Variants in GABRA3 observed in about 807,000 individuals in gnomAD.
The protein encoded by GABRA3 is gamma-aminobutyric acid type A receptor subunit alpha3.
GABRA3 carries 10 observed loss-of-function variants against 30.1 expected under a neutral mutation model. The ratio of observed to expected loss-of-function variants is 0.33; its 90% confidence interval spans 0.20 to 0.56. The LOEUF (loss-of-function observed/expected upper bound fraction) is 0.56. GABRA3 is among the 20% of genes least tolerant of loss of function. GABRA3 has a pLI of 0.89. For synonymous variants in GABRA3, 151 were observed against 146.8 expected (o/e 1.03, Z -0.21); for missense variants, 233 against 392.0 (o/e 0.59, Z 3.42).
chrX:152,377,332 T>A (rs1929024947), intron 1 of GABRA3, among the ~76,000 whole-genome samples: 1 of 111,201 alleles, frequency 9.0e-6, no homozygotes, highest in South Asian at 3.7e-4. Context: ...AATAAAATCT[T>A]AGAAATAAAA....
chrX:152,256,023 A>C, intron 4 of GABRA3, 25 bp from the exon 5 acceptor site: 3 of 1,112,012 alleles, frequency 2.7e-6, no homozygotes, highest in Non-Finnish European at 3.7e-6. Flanking sequence ...AGAGAAAACA[A>C]TGTTTCAGTT....
chrX:152,228,683 C>CT (rs910797091), intron 5 of GABRA3, among the ~76,000 whole-genome samples: 2 of 111,663 alleles, frequency 1.8e-5, no homozygotes, highest in African/African-American at 6.5e-5. Flanking sequence ...CATGAAACCC[C>CT]TTTTATGCCT....
intron 5 of GABRA3, among the ~76,000 whole-genome samples, chrX:152,246,817 A>G (rs1232807043): frequency 9.0e-6 from 1 of 111,425 alleles, no homozygotes; most frequent in Non-Finnish European, 1.9e-5. Context: ...TTAATGAATA[A>G]GAAACTACAG....
chrX:152,196,329 G>C (rs999462355), intron 8 of GABRA3, among the ~76,000 whole-genome samples: 1 of 104,774 alleles, frequency 9.5e-6, no homozygotes, highest in Non-Finnish European at 2.0e-5. Flanking sequence ...CCTGAGAGGC[G>C]GGGGGTTGCA....
At chrX:152,246,557 T>G (rs1390493463) in intron 5 of GABRA3, among the ~76,000 whole-genome samples, 1 of 111,672 alleles carries the variant, frequency 9.0e-6, no homozygotes, top group Non-Finnish European at 1.9e-5. Context: ...ATTATGCCTT[T>G]TGGTACAGTG....
At chrX:152,360,001 AT>A (rs1417609713) in intron 2 of GABRA3, among the ~76,000 whole-genome samples, 2 of 104,053 alleles carry the variant, frequency 1.9e-5, no homozygotes, top group African/African-American at 7.0e-5. Flanking sequence ...TGAACTCATC[AT>A]TTTTTATGGC....
chrX:152,373,365 T>C (rs1928895289), intron 1 of GABRA3, among the ~76,000 whole-genome samples: 1 of 111,739 alleles, frequency 8.9e-6, no homozygotes, highest in African/African-American at 3.3e-5. Flanking sequence ...TGTATCTTTA[T>C]AATAAAGTGA....
intron 8 of GABRA3, among the ~76,000 whole-genome samples, chrX:152,194,686 A>C (rs1937363373): frequency 8.9e-6 from 1 of 111,913 alleles, no homozygotes; most frequent in Non-Finnish European, 1.9e-5. Context: ...TCAATCTCAA[A>C]TTAATTCTCT....
chrX:152,248,494 T>C (rs1938497484), intron 5 of GABRA3, among the ~76,000 whole-genome samples: 1 of 110,464 alleles, frequency 9.1e-6, no homozygotes, highest in African/African-American at 3.3e-5. Context: ...ATAATAATAA[T>C]AAAATTTAAA....
At chrX:152,320,272 G>A (rs777465352) in intron 3 of GABRA3, among the ~76,000 whole-genome samples, 24 of 111,663 alleles carry the variant, frequency 2.1e-4, no homozygotes, top group Non-Finnish European at 3.2e-4. Flanking sequence ...ACTTGCACAC[G>A]CATGTTTATA....
chrX:152,411,949 GT>G lies in GABRA3; in HGVS notation c.-27+39196del, dbSNP rs1473068751. Reference sequence around the variant, plus strand: ...ATGTAAATTATATCTCGATAAAGCTGTTTTTTAAAAAAAGAATCACATAAAG... The same window carrying G: ...ATGTAAATTATATCTCGATAAAGCTGTTTTTAAAAAAAGAATCACATAAAG... On this transcript the variant is annotated intron_variant, in intron 1 of 9. Coordinates refer to ENST00000370314, the MANE Select transcript of GABRA3 (RefSeq NM_000808.4). Among the ~76,000 whole-genome samples, 5 of 111,125 alleles carry G rather than the reference GT, an allele frequency of 4.5e-5. No homozygotes were observed. In the South Asian group the frequency reaches 1.9e-3, roughly 42 times the overall value.
intron 1 of GABRA3, among the ~76,000 whole-genome samples, chrX:152,427,619 T>C (rs1051608815): frequency 1.9e-4 from 21 of 112,338 alleles, no homozygotes; most frequent in African/African-American, 6.5e-4. Context: ...GGAAAATTAC[T>C]TTTTCAAAGT....
chrX:152,414,109 T>C (rs905181725), intron 1 of GABRA3, among the ~76,000 whole-genome samples: 1 of 111,721 alleles, frequency 9.0e-6, no homozygotes, highest in African/African-American at 3.2e-5. Context: ...ATAAGACGTA[T>C]CAATGTCATT....
At chrX:152,207,386 T>C (rs1249688644) in intron 7 of GABRA3, among the ~76,000 whole-genome samples, 1 of 111,847 alleles carries the variant, frequency 8.9e-6, no homozygotes, top group Non-Finnish European at 1.9e-5. Flanking sequence ...CCCCTTGAAC[T>C]GCTCAGGGGC....
intron 1 of GABRA3, among the ~76,000 whole-genome samples, chrX:152,432,640 A>G: frequency 9.0e-6 from 1 of 111,492 alleles, no homozygotes; most frequent in Non-Finnish European, 1.9e-5. Flanking sequence ...TCTGCATACA[A>G]TAAAAAAAGA....
chrX:152,185,164 A>G (rs1937235771), intron 9 of GABRA3, among the ~76,000 whole-genome samples: 1 of 111,591 alleles, frequency 9.0e-6, no homozygotes, highest in Non-Finnish European at 1.9e-5. Flanking sequence ...AATGCACTTC[A>G]AATTTTTTTC....
At chrX:152,329,214 G>A (rs1483192294) in intron 3 of GABRA3, among the ~76,000 whole-genome samples, 4 of 111,565 alleles carry the variant, frequency 3.6e-5, no homozygotes, top group Non-Finnish European at 5.7e-5. Flanking sequence ...AACAAATGGA[G>A]GAACATTCCA....
At chrX:152,393,179 G>C (rs1181563982) in intron 1 of GABRA3, among the ~76,000 whole-genome samples, 1 of 111,947 alleles carries the variant, frequency 8.9e-6, no homozygotes, top group Non-Finnish European at 1.9e-5. Flanking sequence ...TGATTAAACG[G>C]GTGAAGTTAT....
intron 2 of GABRA3, among the ~76,000 whole-genome samples, chrX:152,359,335 T>C (rs1928414024): frequency 9.0e-6 from 1 of 111,220 alleles, no homozygotes; most frequent in African/African-American, 3.3e-5. Context: ...GTTTTCTAGT[T>C]TGTATGCATA....
Sources: allele counts gnomAD v4.1 joint callset (sites outside exome capture counted in the v4.1 genomes callset), GRCh38; gene constraint gnomAD v4.1.1; transcripts MANE v1.5; gene names NCBI Gene and HGNC (gene_info 2026-07-23, HGNC 2026-07-21).